Variants in SLC44A1 observed in about 807,000 individuals in gnomAD.
SLC44A1 encodes solute carrier family 44 member 1, also known as choline transporter-like protein 1.
A neutral mutation model predicts 79.3 loss-of-function variants in SLC44A1; 26 were observed. That is an observed-to-expected ratio of 0.33 (90% CI 0.24 to 0.46). SLC44A1 has a LOEUF of 0.46. Ranked by LOEUF, SLC44A1 falls within the 20% of genes least tolerant of loss-of-function variation. SLC44A1 has a pLI of 1.00. For missense variants in SLC44A1, 688 were observed against 798.1 expected, an observed-to-expected ratio of 0.86 and a Z score of 1.66; for synonymous variants, 263 against 286.2, an observed-to-expected ratio of 0.92 and a Z score of 0.82.
At chr9:105,324,970 T>A (rs1490762685) in intron 3 of SLC44A1, among the ~76,000 whole-genome samples, 1 of 152,188 alleles carries the variant, frequency 6.6e-6, no homozygotes, top group African/African-American at 2.4e-5. Flanking sequence ...AACATAGAGT[T>A]ACCATATGAT....
At chr9:105,351,590 G>GAGAAAGAGAGAAAGAGAA (rs1564452674) in intron 5 of SLC44A1, among the ~76,000 whole-genome samples, 4 of 115,950 alleles carry the variant, frequency 3.4e-5, no homozygotes, top group African/African-American at 1.7e-4. Context: ...GAGAGAAAGA[G>GAGAAAGAGAGAAAGAGAA]AGAAAGAGAA....
In SLC44A1 at chr9:105,337,940, A is replaced by G. The variant is rs1018287890; in HGVS notation, c.406+2241A>G. Among the ~76,000 whole-genome samples, 8 of 152,282 alleles carry G rather than the reference A, an allele frequency of 5.3e-5. No homozygotes were observed. In the South Asian group the frequency reaches 6.2e-4, roughly 12 times the overall value. ...CTCCTGGTGGGTTTTACAGCTTTGT[A>G]TTTCTCACTGTGTCTTGCACAAAGT... On this transcript the variant is annotated intron_variant, in intron 4 of 15. Transcript: ENST00000374720.
chr9:105,247,130 T>C (rs1031080208), intron 1 of SLC44A1, among the ~76,000 whole-genome samples: 18 of 152,034 alleles, frequency 1.2e-4, no homozygotes, highest in African/African-American at 4.3e-4. Flanking sequence ...TTGGCATCCT[T>C]CTTCATTTGT....
chr9:105,350,002 G>T (rs1351467211), intron 5 of SLC44A1, among the ~76,000 whole-genome samples: 3 of 152,132 alleles, frequency 2.0e-5, no homozygotes, highest in Non-Finnish European at 4.4e-5. Flanking sequence ...TGTCCTAGGG[G>T]TATTCACTGG....
chr9:105,383,322 G>C lies in SLC44A1; in HGVS notation c.1832G>C (p.Ser611Thr). 6.2e-7 allele frequency: 1 copy of C among 1,612,246 alleles called. No homozygotes were observed. Among genetic ancestry groups the C allele is most frequent in the Non-Finnish European group, 8.5e-7 (1 of 1,178,276 alleles). ...FAIDTKYNDG[S>T]PGREFYMDKV... ...ATTGATACAAAATACAATGATGGGA[G>C]CCCTGGCAGAGAATTCTATATGGAT... Residue 611 changes from serine (S) to threonine (T), a missense_variant, in exon 14 of 16, where the codon AGC (serine) becomes ACC (threonine). Transcript: ENST00000374720.
intron 15 of SLC44A1, among the ~76,000 whole-genome samples, chr9:105,418,586 C>A (rs1829205452): frequency 6.6e-6 from 1 of 152,012 alleles, no homozygotes. Context: ...ATTAACTAGC[C>A]CCCACCCTTC....
chr9:105,361,686 C>A (rs1046036941), intron 8 of SLC44A1, among the ~76,000 whole-genome samples: 13 of 152,240 alleles, frequency 8.5e-5, no homozygotes, highest in Admixed American at 7.2e-4. Flanking sequence ...TATATCATTC[C>A]ATTTACTTGT....
At chr9:105,257,487 T>C (rs1829739435) in intron 1 of SLC44A1, among the ~76,000 whole-genome samples, 1 of 151,936 alleles carries the variant, frequency 6.6e-6, no homozygotes, top group Non-Finnish European at 1.5e-5. Flanking sequence ...CATCTTGGCC[T>C]CCGAAGTGCT....
Position 105,395,792 on chromosome 9 carries a change from A to G in SLC44A1, c.*6736A>G. On this transcript the variant is annotated 3_prime_UTR_variant, in exon 16 of 16. Coordinates refer to ENST00000374720, the MANE Select transcript of SLC44A1 (RefSeq NM_080546.5). The stretch of plus-strand genomic sequence containing the variant: ...AAAAAAAGTAGACATTGAAAAGAAG[A>G]CTTGGGAATAATTGGGCAGATAGAA... 3.8e-5 allele frequency: 37 copies of G among 985,260 alleles called. No homozygotes were observed. Among genetic ancestry groups the G allele is most frequent in the Non-Finnish European group, 4.3e-5 (36 of 829,828 alleles). The allele number at this position is 985,260 out of a possible 1,614,324, so 61.0% of individuals were successfully genotyped here.
chr9:105,347,629 T>C (rs1439961073), intron 4 of SLC44A1, among the ~76,000 whole-genome samples: 1 of 152,068 alleles, frequency 6.6e-6, no homozygotes, highest in Non-Finnish European at 1.5e-5. Context: ...ATTTTACATA[T>C]ATTAGATATG....
At chr9:105,406,339 G>A (rs888896441) in intron 15 of SLC44A1, among the ~76,000 whole-genome samples, 3 of 152,298 alleles carry the variant, frequency 2.0e-5, no homozygotes, top group Non-Finnish European at 2.9e-5. Flanking sequence ...GGAAGAATCT[G>A]ATTTCCAGAG....
chr9:105,328,818 A>T (rs548452458), intron 3 of SLC44A1, among the ~76,000 whole-genome samples: 2 of 152,070 alleles, frequency 1.3e-5, no homozygotes, highest in East Asian at 3.9e-4. Context: ...TCCTTAGGAG[A>T]TTTTTGCCTC....
At chr9:105,341,348 A>G (rs1360429116) in intron 4 of SLC44A1, among the ~76,000 whole-genome samples, 1 of 151,284 alleles carries the variant, frequency 6.6e-6, no homozygotes, top group Non-Finnish European at 1.5e-5. Flanking sequence ...AAAAAAAAAA[A>G]AAAGAAAAAG....
chr9:105,322,713 A>G (rs1826433336), intron 3 of SLC44A1, among the ~76,000 whole-genome samples: 1 of 152,212 alleles, frequency 6.6e-6, no homozygotes, highest in Non-Finnish European at 1.5e-5. Flanking sequence ...GGGTTGAGTG[A>G]TACTGTGAAG....
Position 105,432,874 on chromosome 9 carries a change from GT to G in SLC44A1, c.1951-5406del, listed in dbSNP as rs200831505. The stretch of plus-strand genomic sequence containing the variant: ...TTGTTTGAGGCTTCCATTTGACACT[GT>G]AAAAAATAAGAACTTCAGTTCATCA... On this transcript the variant is annotated intron_variant, in intron 15 of 15. Coordinates refer to the SLC44A1 transcript ENST00000374724. Among the ~76,000 whole-genome samples the G allele has an allele frequency of 3.7e-3, 565 of 152,162 alleles. 2 individuals carry two copies. The highest frequency in any genetic ancestry group is 0.013 in the African/African-American group (542 of 41,514).
chr9:105,387,060 A>AAATATAT (rs34780893), intron 15 of SLC44A1, among the ~76,000 whole-genome samples: 1 of 7,732 alleles, frequency 1.3e-4, no homozygotes, highest in African/African-American at 4.1e-4. Context: ...AAAAAAAAAA[A>AAATATAT]ATATATATAT....
At position 105,393,885 on chromosome 9, in the gene SLC44A1, G is replaced by T. The variant is rs1333181399; in HGVS notation, c.*4829G>T. On this transcript the variant is annotated 3_prime_UTR_variant, in exon 16 of 16. Coordinates refer to ENST00000374720, the MANE Select transcript of SLC44A1 (RefSeq NM_080546.5). ...CAGAATAATAAAGCTTTTATTAATG[G>T]TCTAGTGAAGATCTAGTTGAACATG... 3 of 984,600 alleles carry T rather than the reference G, an allele frequency of 3.0e-6. No homozygotes were observed. Among genetic ancestry groups the T allele is most frequent in the East Asian group, 1.1e-4 (1 of 8,822 alleles). 61.0% of individuals were successfully genotyped at this position (984,600 alleles called of 1,614,324 possible). A position where few individuals can be genotyped will look rare whatever the true frequency, so the allele number is the denominator to read the frequency against.
intron 15 of SLC44A1, among the ~76,000 whole-genome samples, chr9:105,406,541 GACCAGCCTGGGCA>G (rs1357426300): frequency 6.6e-6 from 1 of 152,116 alleles, no homozygotes; most frequent in African/African-American, 2.4e-5. Flanking sequence ...AGGAGTTCAA[GACCAGCCTGGGCA>G]ACATAGTGAG....
intron 15 of SLC44A1, among the ~76,000 whole-genome samples, chr9:105,427,977 T>G (rs973201737): frequency 5.9e-5 from 9 of 152,206 alleles, no homozygotes; most frequent in Non-Finnish European, 8.8e-5. Context: ...TGCCATTTTG[T>G]TATTGAGATG....
Sources: gnomAD v4.1 joint callset for allele counts (sites outside exome capture counted in the v4.1 genomes callset) on GRCh38, gnomAD v4.1.1 for gene constraint, MANE v1.5 for transcripts, NCBI Gene and HGNC (gene_info 2026-07-23, HGNC 2026-07-21) for gene names.